NCALD: variants seen among roughly 807,000 people sequenced by gnomAD.
NCALD encodes neurocalcin delta.
NCALD carries 10 observed loss-of-function variants against 18.6 expected under a neutral mutation model. The ratio of observed to expected loss-of-function variants is 0.54; its 90% CI spans 0.33 to 0.91. The LOEUF is 0.91. NCALD is among the 40% of genes least tolerant of loss of function. The pLI is 0.03. For missense variants in NCALD, 184 were observed against 247.6 expected (o/e 0.74, Z 1.72); for synonymous variants, 88 against 87.4 (o/e 1.01, Z -0.04).
At chr8:101,957,670 G>A (rs1206624092) in intron 2 of NCALD, among the ~76,000 whole-genome samples, 1 of 152,164 alleles carries the variant, frequency 6.6e-6, no homozygotes, top group East Asian at 1.9e-4. Flanking sequence ...AATCAGAAGA[G>A]ATCAGTCAGG....
At chr8:102,085,575 T>A (rs1824709363) in intron 1 of NCALD, among the ~76,000 whole-genome samples, 1 of 141,998 alleles carries the variant, frequency 7.0e-6, no homozygotes, top group South Asian at 2.3e-4. Flanking sequence ...GCCACCATGG[T>A]GAAACCCAGT....
chr8:101,714,485 A>G (rs1815967054), intron 2 of NCALD, among the ~76,000 whole-genome samples: 1 of 152,244 alleles, frequency 6.6e-6, no homozygotes, highest in South Asian at 2.1e-4. Context: ...GCTCAAGGAA[A>G]TAAGAGAGGA....
intron 2 of NCALD, among the ~76,000 whole-genome samples, chr8:102,011,350 C>A (rs536677515): frequency 6.6e-6 from 1 of 152,282 alleles, no homozygotes; most frequent in African/African-American, 2.4e-5. Context: ...ACTCTCTGTT[C>A]CAACACTGAT....
intron 4 of NCALD, among the ~76,000 whole-genome samples, chr8:101,811,264 G>A (rs1417336114): frequency 6.6e-6 from 1 of 152,148 alleles, no homozygotes; most frequent in Non-Finnish European, 1.5e-5. Flanking sequence ...CTTTAAAGTA[G>A]AAGAAGAAGG....
Position 101,687,435 on chromosome 8 carries a change from A to G in NCALD, c.*1874T>C, listed in dbSNP as rs1348135735. ...GTTTTGGTACAGAACCACTGTGAGGAACTGACCCCTGGAGGAAGACTAGGA... is the reference window on the plus strand; with the variant it reads ...GTTTTGGTACAGAACCACTGTGAGGGACTGACCCCTGGAGGAAGACTAGGA... On this transcript the variant is annotated 3_prime_UTR_variant, in exon 4 of 4. Coordinates refer to ENST00000220931, the MANE Select transcript of NCALD (RefSeq NM_032041.3). 19 of 152,672 alleles carry G rather than the reference A, an allele frequency of 1.2e-4. No homozygotes were observed. The highest frequency in any genetic ancestry group is 1.2e-3 in the Admixed American group (19 of 15,282). The allele number at this position is 152,672 out of a possible 1,614,324, so 9.5% of individuals were successfully genotyped here.
chr8:101,773,157 C>G (rs1406598191), intron 1 of NCALD, among the ~76,000 whole-genome samples: 1 of 152,098 alleles, frequency 6.6e-6, no homozygotes, highest in Non-Finnish European at 1.5e-5. Context: ...AATCAAGAAG[C>G]CTCCCTTGAT....
chr8:101,696,448 A>G (rs982545957), intron 2 of NCALD, among the ~76,000 whole-genome samples: 2 of 152,208 alleles, frequency 1.3e-5, no homozygotes, highest in African/African-American at 4.8e-5. Flanking sequence ...TGATGATTGC[A>G]CAAAGACGTG....
intron 2 of NCALD, among the ~76,000 whole-genome samples, chr8:101,999,356 A>C (rs1297976064): frequency 6.6e-6 from 1 of 152,200 alleles, no homozygotes; most frequent in Non-Finnish European, 1.5e-5. Flanking sequence ...AGAATGAAGT[A>C]ATGGCATTCA....
At chr8:101,947,852 C>T (rs1486391616) in intron 2 of NCALD, among the ~76,000 whole-genome samples, 1 of 152,174 alleles carries the variant, frequency 6.6e-6, no homozygotes, top group African/African-American at 2.4e-5. Flanking sequence ...GGGATTAAGA[C>T]TGTTCTAGGC....
chr8:102,031,774 G>C (rs993323151), intron 1 of NCALD, among the ~76,000 whole-genome samples: 28 of 152,172 alleles, frequency 1.8e-4, no homozygotes, highest in Non-Finnish European at 7.4e-5. Flanking sequence ...AGTTAGCTAG[G>C]AATAAATAGG....
At position 101,688,782 on chromosome 8, in the gene NCALD, G is replaced by A; in HGVS notation, c.*527C>T. 3.4e-6 allele frequency: 2 copies of A among 596,794 alleles called. No homozygotes were observed. Among genetic ancestry groups the A allele is most frequent in the South Asian group, 1.5e-5 (1 of 65,640 alleles). 37.0% of individuals were successfully genotyped at this position (596,794 alleles called of 1,614,324 possible). A position where few individuals can be genotyped will look rare whatever the true frequency, so the allele number is the denominator to read the frequency against. On this transcript the variant is annotated 3_prime_UTR_variant, in exon 4 of 4. Transcript: ENST00000220931. Reference sequence around the variant, plus strand: ...AACTACAGCCTGCTGGGGAAGAGAGGGGAGTGGGCCCCCATGGGGAAATGT... The same window carrying A: ...AACTACAGCCTGCTGGGGAAGAGAGAGGAGTGGGCCCCCATGGGGAAATGT...
intron 2 of NCALD, among the ~76,000 whole-genome samples, chr8:102,017,696 AAAAAC>A (rs547206728): frequency 1.3e-5 from 2 of 152,238 alleles, no homozygotes; most frequent in Non-Finnish European, 1.5e-5. Context: ...CTCCGTCTCA[AAAAAC>A]AAAACAAAAC....
At chr8:101,821,345 T>C (rs2131191493) in intron 4 of NCALD, among the ~76,000 whole-genome samples, 1 of 152,354 alleles carries the variant, frequency 6.6e-6, no homozygotes, top group East Asian at 1.9e-4. Flanking sequence ...TGTCCAGAAC[T>C]TTATGTACAT....
intron 4 of NCALD, among the ~76,000 whole-genome samples, chr8:101,870,891 G>GC (rs1204536923): frequency 0.012 from 302 of 24,230 alleles, no homozygotes; most frequent in Middle Eastern, 0.056. Context: ...CTCTACCACC[G>GC]CCCCCACCCC....
intron 1 of NCALD, among the ~76,000 whole-genome samples, chr8:102,055,794 C>T (rs552025811): frequency 3.9e-5 from 6 of 152,314 alleles, no homozygotes; most frequent in African/African-American, 9.6e-5. Context: ...AAACTGAAAT[C>T]GAATTTCTTC....
In NCALD at chr8:102,056,003, A is replaced by C. The variant is rs1034951891; in HGVS notation, c.-209-35714T>G. Among the ~76,000 whole-genome samples, 11 of 152,354 alleles carry C rather than the reference A, an allele frequency of 7.2e-5. No homozygotes were observed. In the East Asian group the frequency reaches 2.1e-3, roughly 29 times the overall value. On this transcript the variant is annotated intron_variant, in intron 1 of 6. Transcript: ENST00000311028. ...ATCCTTAGTGATCTTTTAGAGTGTCATATAATGAATAACATGGATTTCTGG... is the reference window on the plus strand; with the variant it reads ...ATCCTTAGTGATCTTTTAGAGTGTCCTATAATGAATAACATGGATTTCTGG...
chr8:101,835,766 A>T lies in NCALD; in HGVS notation c.-20+51375T>A, dbSNP rs1347308135. Among the ~76,000 whole-genome samples the T allele has an allele frequency of 2.0e-5, 3 of 152,118 alleles. No individual in the cohort carries two copies. In the East Asian group the frequency reaches 5.8e-4, roughly 29 times the overall value. The stretch of plus-strand genomic sequence containing the variant: ...TGTGGCCAGGGCAGAAGGGGAAGAT[A>T]GGGGTGGTCCCTGACTCAGTAGCTA... On this transcript the variant is annotated intron_variant, in intron 4 of 6. Coordinates refer to the NCALD transcript ENST00000311028.
chr8:102,057,982 A>G (rs1224545518), intron 1 of NCALD, among the ~76,000 whole-genome samples: 4 of 152,254 alleles, frequency 2.6e-5, no homozygotes, highest in African/African-American at 4.8e-5. Context: ...GAAAGTATTC[A>G]ATAAATATCA....
intron 1 of NCALD, among the ~76,000 whole-genome samples, chr8:102,075,804 T>C (rs558698138): frequency 1.9e-4 from 29 of 152,028 alleles, no homozygotes; most frequent in African/African-American, 7.0e-4. Flanking sequence ...TACAAAAAAA[T>C]TAGCCAAGCA....
Sources: allele counts gnomAD v4.1 joint callset (sites outside exome capture counted in the v4.1 genomes callset), GRCh38; gene constraint gnomAD v4.1.1; transcripts MANE v1.5; gene names NCBI Gene and HGNC (gene_info 2026-07-23, HGNC 2026-07-21).